The following FMN2 variants were observed in gnomAD, a reference collection of about 807,000 sequenced individuals.
The protein encoded by FMN2 is formin 2.
A neutral mutation model predicts 142.3 loss-of-function variants in FMN2; 51 were observed. That is an observed-to-expected ratio of 0.36 (90% CI 0.29 to 0.45). FMN2 has a LOEUF of 0.45. Among genes scored for constraint, FMN2 ranks in the 20% least tolerant of loss-of-function variants. FMN2 has a pLI of 1.00. For missense variants in FMN2, 1,936 were observed against 2,122.8 expected (o/e 0.91, Z 1.73); for synonymous variants, 882 against 869.8 (o/e 1.01, Z -0.25).
At chr1:240,102,213 G>C (rs73128548) in intron 1 of FMN2, among the ~76,000 whole-genome samples, 3 of 151,908 alleles carry the variant, frequency 2.0e-5, no homozygotes, top group African/African-American at 7.3e-5. Context: ...GTGTTGAGAG[G>C]TCCTAGGTTT....
intron 6 of FMN2, among the ~76,000 whole-genome samples, chr1:240,243,595 G>A (rs904219311): frequency 2.0e-5 from 3 of 152,132 alleles, no homozygotes; most frequent in Non-Finnish European, 4.4e-5. Flanking sequence ...TAAAACACTA[G>A]CACCTGGCAT....
chr1:240,121,297 T>G (rs1188612414), intron 1 of FMN2, among the ~76,000 whole-genome samples: 1 of 152,112 alleles, frequency 6.6e-6, no homozygotes, highest in Non-Finnish European at 1.5e-5. Context: ...TGATCCTCAG[T>G]TTCAGCCAAG....
intron 14 of FMN2, among the ~76,000 whole-genome samples, chr1:240,371,298 T>C (rs1038952073): frequency 2.0e-5 from 3 of 152,076 alleles, no homozygotes; most frequent in Admixed American, 6.5e-5. Context: ...TTGCCCTTCA[T>C]GTTAGATAAT....
At chr1:240,233,154 G>A (rs1437526913) in intron 6 of FMN2, among the ~76,000 whole-genome samples, 1 of 152,166 alleles carries the variant, frequency 6.6e-6, no homozygotes, top group African/African-American at 2.4e-5. Flanking sequence ...GCCAAGGCAG[G>A]TGGATCACCT....
chr1:240,337,589 C>T (rs764954757), intron 13 of FMN2, among the ~76,000 whole-genome samples: 3 of 152,068 alleles, frequency 2.0e-5, no homozygotes, highest in Non-Finnish European at 1.5e-5. Flanking sequence ...ATCTCAATAC[C>T]TTTCATACAA....
chr1:240,159,974 T>TATACAC (rs1202421069), intron 2 of FMN2, among the ~76,000 whole-genome samples: 59 of 134,076 alleles, frequency 4.4e-4, no homozygotes, highest in African/African-American at 1.6e-3. Context: ...TATATATATA[T>TATACAC]ACACACACAC....
At chr1:240,101,785 T>G (rs751937028) in intron 1 of FMN2, among the ~76,000 whole-genome samples, 2 of 151,878 alleles carry the variant, frequency 1.3e-5, no homozygotes, top group Non-Finnish European at 1.5e-5. Flanking sequence ...CTTGTGTTTT[T>G]GAACACTGAT....
chr1:240,415,084 G>A (rs1674531288), intron 15 of FMN2, among the ~76,000 whole-genome samples: 1 of 152,116 alleles, frequency 6.6e-6, no homozygotes, highest in Admixed American at 6.6e-5. Flanking sequence ...AAAAGAAATG[G>A]CTGGAAAACT....
intron 1 of FMN2, among the ~76,000 whole-genome samples, chr1:240,101,521 C>T (rs1195035181): frequency 1.3e-5 from 2 of 149,110 alleles, no homozygotes; most frequent in Non-Finnish European, 1.5e-5. Context: ...TGTGTGTGTG[C>T]CTGTGTGTCT....
In FMN2 at chr1:240,221,867, T is replaced by A. The variant is rs1416784584; in HGVS notation, c.4065+10632T>A. On this transcript the variant is annotated intron_variant, in intron 6 of 17. Transcript: ENST00000319653. ...CTAGGGACTTTTTTTTTTTTTTTTT[T>A]AATGAAGTCTTGCTCTGTCACCCAG... is the stretch of plus-strand genomic sequence containing the variant. Among the ~76,000 whole-genome samples the A allele has an allele frequency of 8.6e-5, 12 of 139,246 alleles. No individual in the cohort carries two copies. In the East Asian group the frequency reaches 2.1e-3, roughly 25 times the overall value. 91.4% of individuals were successfully genotyped at this position (139,246 alleles called of 152,430 possible).
intron 7 of FMN2, among the ~76,000 whole-genome samples, chr1:240,270,640 T>C (rs567820864): frequency 6.6e-6 from 1 of 152,140 alleles, no homozygotes; most frequent in South Asian, 2.1e-4. Flanking sequence ...AATATATATA[T>C]ACACAATGAA....
At chr1:240,195,850 T>C (rs1665890477) in intron 4 of FMN2, among the ~76,000 whole-genome samples, 1 of 152,050 alleles carries the variant, frequency 6.6e-6, no homozygotes, top group Admixed American at 6.6e-5. Flanking sequence ...AGACCCTGTC[T>C]CTACCAATAA....
intron 8 of FMN2, among the ~76,000 whole-genome samples, chr1:240,307,737 A>G (rs1329931988): frequency 1.3e-5 from 2 of 151,960 alleles, no homozygotes; most frequent in Admixed American, 6.6e-5. Flanking sequence ...TTTTTGTTTC[A>G]TTTGAATTTT....
intron 4 of FMN2, among the ~76,000 whole-genome samples, chr1:240,206,315 A>G (rs944044553): frequency 1.3e-5 from 2 of 152,222 alleles, no homozygotes; most frequent in Admixed American, 6.5e-5. Flanking sequence ...GCACATGCTC[A>G]TAATGCATTT....
Position 240,093,325 on chromosome 1 carries a change from C to G in FMN2, c.1216C>G (p.Arg406Gly). ...SLPGSPAPSQ[R>G]CFKPYPLITP... ...GCCCGGCAGCCCCGCGCCTAGCCAG[C>G]GCTGTTTCAAGCCCTACCCGCTCAT... The change falls in exon 1 of 18, where the codon CGC (arginine) becomes GGC (glycine). Residue 406 changes from arginine to glycine, a missense_variant. Coordinates refer to ENST00000319653, the MANE Select transcript of FMN2 (RefSeq NM_020066.5). 1 of 1,612,122 alleles carries G rather than the reference C, an allele frequency of 6.2e-7. No individual in the cohort carries two copies. Among genetic ancestry groups the G allele is most frequent in the Non-Finnish European group, 8.5e-7 (1 of 1,179,194 alleles).
intron 4 of FMN2, among the ~76,000 whole-genome samples, chr1:240,205,074 C>T (rs1052180296): frequency 6.6e-6 from 1 of 152,100 alleles, no homozygotes; most frequent in South Asian, 2.1e-4. Flanking sequence ...AAAATCAAGT[C>T]TGGAGTATAA....
intron 2 of FMN2, among the ~76,000 whole-genome samples, chr1:240,125,073 A>G (rs2103222951): frequency 6.6e-6 from 1 of 152,356 alleles, no homozygotes; most frequent in Middle Eastern, 3.4e-3. Flanking sequence ...AGCTTTAAAG[A>G]CAATGACAAA....
At chr1:240,414,429 T>C (rs1441225116) in intron 15 of FMN2, among the ~76,000 whole-genome samples, 1 of 152,206 alleles carries the variant, frequency 6.6e-6, no homozygotes, top group Non-Finnish European at 1.5e-5. Flanking sequence ...ATTCAGGCCT[T>C]CGTGAAAGCT....
At chr1:240,095,079 T>C (rs1404669897) in intron 1 of FMN2, among the ~76,000 whole-genome samples, 1 of 152,100 alleles carries the variant, frequency 6.6e-6, no homozygotes, top group Non-Finnish European at 1.5e-5. Flanking sequence ...CTAGATAAAT[T>C]GTAAAAAAAC....
Sources: allele counts gnomAD v4.1 joint callset (sites outside exome capture counted in the v4.1 genomes callset), GRCh38; gene constraint gnomAD v4.1.1; transcripts MANE v1.5; gene names NCBI Gene and HGNC (gene_info 2026-07-23, HGNC 2026-07-21).